The following RIMBP2 variants were observed in gnomAD, a reference collection of about 807,000 sequenced individuals.
RIMBP2 encodes the protein RIMS-binding protein 2.
In RIMBP2, 48 loss-of-function variants were observed where a neutral mutation model predicts 118.6. The observed-to-expected ratio is 0.40, with a 90% confidence interval of 0.32 to 0.51. RIMBP2 has a LOEUF of 0.51. Ranked by LOEUF, RIMBP2 falls within the 20% of genes least tolerant of loss-of-function variation. The pLI is 0.41. For missense variants in RIMBP2, 1,551 were observed against 1,768.3 expected, an observed-to-expected ratio of 0.88 and a Z score of 2.20; for synonymous variants, 762 against 742.9, an observed-to-expected ratio of 1.03 and a Z score of -0.42.
rs1281854079 is a variant in RIMBP2 at position 130,622,197 on chromosome 12, C to T, written c.-217+6125G>A. Reference sequence around the variant, plus strand: ...AGGCCTGTTTGTTTCAGGTTGGATCCTGGGTAACAGGCAGGGCCTGTGGCT... The same window carrying T: ...AGGCCTGTTTGTTTCAGGTTGGATCTTGGGTAACAGGCAGGGCCTGTGGCT... On this transcript the variant is annotated intron_variant, in intron 2 of 22. Transcript: ENST00000690449. The surrounding 1 kb of genome is among the most constrained non-coding windows in gnomAD (Gnocchi z 8.5). 6.6e-6 allele frequency among the ~76,000 whole-genome samples: 1 copy of T among 152,128 alleles called. No individual in the cohort carries two copies. Among genetic ancestry groups the T allele is most frequent in the African/African-American group, 2.4e-5 (1 of 41,420 alleles).
At chr12:130,570,504 T>TA (rs1414003350) in intron 2 of RIMBP2, among the ~76,000 whole-genome samples, 2 of 152,162 alleles carry the variant, frequency 1.3e-5, no homozygotes, top group Non-Finnish European at 2.9e-5. Context: ...AAAACACTGA[T>TA]ATGTCAACAC....
intron 2 of RIMBP2, among the ~76,000 whole-genome samples, chr12:130,545,896 A>G (rs1429106968): frequency 1.3e-5 from 2 of 152,166 alleles, no homozygotes; most frequent in African/African-American, 2.4e-5. Context: ...GATTGTGGAA[A>G]AACAAAGCCA....
intron 2 of RIMBP2, among the ~76,000 whole-genome samples, chr12:130,612,765 A>T (rs1566366787): frequency 1.3e-5 from 2 of 152,120 alleles, no homozygotes. Flanking sequence ...GCCCCCCTGG[A>T]TGCAGACACT....
intron 1 of RIMBP2, among the ~76,000 whole-genome samples, chr12:130,714,748 C>A (rs1950207822): frequency 6.6e-6 from 1 of 152,226 alleles, no homozygotes; most frequent in Non-Finnish European, 1.5e-5. Flanking sequence ...ACCGTGCCCC[C>A]AGGGAACCTC....
chr12:130,517,677 T>C (rs2051620091), intron 3 of RIMBP2, among the ~76,000 whole-genome samples, 151 bp downstream of exon 3: 1 of 152,170 alleles, frequency 6.6e-6, no homozygotes, highest in South Asian at 2.1e-4. Flanking sequence ...GCTGGTCATG[T>C]GAAGAAGTGA....
intron 1 of RIMBP2, among the ~76,000 whole-genome samples, chr12:130,673,865 T>A (rs1228908804): frequency 1.3e-5 from 2 of 152,114 alleles, no homozygotes; most frequent in East Asian, 3.9e-4. Flanking sequence ...TCCCAGCCCT[T>A]TGGAAGGCCG....
chr12:130,613,958 C>CAT (rs1423190199), intron 2 of RIMBP2, among the ~76,000 whole-genome samples: 3 of 152,144 alleles, frequency 2.0e-5, no homozygotes, highest in African/African-American at 7.2e-5. Context: ...GGGAGGGAGG[C>CAT]AGGTCCTTTC....
intron 2 of RIMBP2, among the ~76,000 whole-genome samples, chr12:130,625,364 G>A (rs528332274): frequency 2.0e-5 from 3 of 152,166 alleles, no homozygotes; most frequent in African/African-American, 2.4e-5. Flanking sequence ...CGTTGAGAAT[G>A]GTCATTGTGG....
chr12:130,448,474 C>G (rs577583326), intron 9 of RIMBP2, among the ~76,000 whole-genome samples: 10 of 152,374 alleles, frequency 6.6e-5, no homozygotes, highest in Admixed American at 4.6e-4. Flanking sequence ...CCCTGCTTGG[C>G]TGGGAAGCCA....
At chr12:130,430,601 C>A (rs1255412340) in intron 14 of RIMBP2, 1 of 147,110 alleles carries the variant, frequency 6.8e-6, no homozygotes, top group East Asian at 2.0e-4. Flanking sequence ...GACGGATGTA[C>A]TAATTAACTT....
At chr12:130,474,659 C>A (rs1484983703) in intron 5 of RIMBP2, among the ~76,000 whole-genome samples, 1 of 152,312 alleles carries the variant, frequency 6.6e-6, no homozygotes, top group South Asian at 2.1e-4. Flanking sequence ...ACCTGGGGAC[C>A]AGGCATTGTC....
At chr12:130,402,522 G>A (rs1204762109) in intron 21 of RIMBP2, among the ~76,000 whole-genome samples, 1 of 152,016 alleles carries the variant, frequency 6.6e-6, no homozygotes, top group Non-Finnish European at 1.5e-5. Flanking sequence ...CTTCAAAAGT[G>A]TACCATCAAA....
At chr12:130,547,037 A>T (rs2055249134) in intron 2 of RIMBP2, among the ~76,000 whole-genome samples, 1 of 152,200 alleles carries the variant, frequency 6.6e-6, no homozygotes, top group South Asian at 2.1e-4. Context: ...TGTAGTTCTC[A>T]TATCCTGGAA....
intron 6 of RIMBP2, among the ~76,000 whole-genome samples, chr12:130,461,606 G>A (rs2079998720): frequency 6.6e-6 from 1 of 152,174 alleles, no homozygotes; most frequent in African/African-American, 2.4e-5. Context: ...TGGAGGCGGG[G>A]CCTGGCGGGA....
intron 5 of RIMBP2, among the ~76,000 whole-genome samples, chr12:130,477,804 C>T (rs766686832): frequency 1.6e-4 from 24 of 152,206 alleles, no homozygotes; most frequent in Non-Finnish European, 3.1e-4. Flanking sequence ...GATAAGCTGT[C>T]GGATGGATCG....
At chr12:130,418,316 G>A (rs2076217987) in intron 17 of RIMBP2, among the ~76,000 whole-genome samples, 1 of 152,146 alleles carries the variant, frequency 6.6e-6, no homozygotes, top group South Asian at 2.1e-4. Flanking sequence ...TTTGTTGATA[G>A]TCCATGAAAA....
At position 130,451,292 on chromosome 12, in the gene RIMBP2, C is replaced by T. The variant is rs778134326; in HGVS notation, c.407G>A (p.Arg136Gln). 13 of 1,614,084 alleles carry T rather than the reference C, an allele frequency of 8.1e-6. No individual in the cohort carries two copies. In the Admixed American group the frequency reaches 8.3e-5, roughly 10 times the overall value. The change falls in exon 8 of 23, where the codon CGG (arginine) becomes CAG (glutamine). Residue 136 changes from arginine to glutamine, a missense_variant. Physicochemically the swap from Arg to Gln is conservative, Grantham distance 43. Around this residue, in one of 5 missense-constraint regions of RIMBP2, gnomAD observed 239 missense variants for 256.8 expected, o/e 0.93. Coordinates refer to ENST00000690449, the MANE Select transcript of RIMBP2 (RefSeq NM_001393629.1). ...CCTGTCACCAGGCTGCGGAAGGGGC[C>T]GGATATATTCACCGATCGCAGAGCT... Reference protein sequence around the residue: ...GGSSAIGEYIRPLPQPGDRPE... With the variant: ...GGSSAIGEYIQPLPQPGDRPE...
intron 21 of RIMBP2, among the ~76,000 whole-genome samples, chr12:130,400,847 C>T (rs2074468219): frequency 2.0e-5 from 3 of 152,182 alleles, no homozygotes; most frequent in Admixed American, 2.0e-4. Context: ...CCAGTCACCA[C>T]GAATCTCCAG....
intron 1 of RIMBP2, among the ~76,000 whole-genome samples, chr12:130,678,506 C>A (rs546386701): frequency 1.3e-3 from 195 of 152,288 alleles, no homozygotes; most frequent in African/African-American, 4.6e-3. Flanking sequence ...AGGCCACATG[C>A]TGCAGGATTG....
Sources: gnomAD v4.1 joint callset for allele counts (sites outside exome capture counted in the v4.1 genomes callset) on GRCh38, gnomAD v4.1.1 for gene constraint, gnomAD v4.1.1 regional missense constraint, Gnocchi (gnomAD v3.1) non-coding constraint, MANE v1.5 for transcripts, NCBI Gene and HGNC (gene_info 2026-07-23, HGNC 2026-07-21) for gene names.